The following DCHS2 variants were observed in gnomAD, a reference collection of about 807,000 sequenced individuals.
DCHS2 encodes dachsous cadherin-related 2.
In DCHS2, 142 loss-of-function variants were observed where a neutral mutation model predicts 182.4. The ratio of observed to expected loss-of-function variants is 0.78; its 90% confidence interval spans 0.68 to 0.89. The LOEUF is 0.89. Ranked by LOEUF, DCHS2 falls within the 40% of genes least tolerant of loss-of-function variation. The pLI, the probability that DCHS2 is intolerant of heterozygous loss-of-function variation, is 0.00. For missense variants in DCHS2, 4,319 were observed against 4,198.6 expected, an observed-to-expected ratio of 1.03 and a Z score of -0.79; for synonymous variants, 1,740 against 1,663.3, an observed-to-expected ratio of 1.05 and a Z score of -1.12.
intron 3 of DCHS2, among the ~76,000 whole-genome samples, chr4:154,351,433 G>A (rs1419759326): frequency 6.6e-6 from 1 of 151,946 alleles, no homozygotes; most frequent in Non-Finnish European, 1.5e-5. Flanking sequence ...TATTTAGAGT[G>A]GTATTATTAC....
intron 1 of DCHS2, among the ~76,000 whole-genome samples, chr4:154,406,057 T>G (rs929949451): frequency 1.2e-4 from 19 of 152,262 alleles, no homozygotes; most frequent in African/African-American, 4.3e-4. Context: ...ACCTCTGTCA[T>G]GGAAAACCAA....
chr4:154,335,405 G>T (rs1728749124), intron 3 of DCHS2, among the ~76,000 whole-genome samples: 1 of 152,194 alleles, frequency 6.6e-6, no homozygotes, highest in Non-Finnish European at 1.5e-5. Flanking sequence ...AGAGAGAATG[G>T]CTCCTGCTCC....
intron 1 of DCHS2, among the ~76,000 whole-genome samples, chr4:154,424,707 A>G (rs891707408): frequency 6.6e-6 from 1 of 152,224 alleles, no homozygotes; most frequent in Non-Finnish European, 1.5e-5. Flanking sequence ...GTCTCAGTAA[A>G]TTAGCTAGGT....
At chr4:154,390,080 A>G (rs995206099) in intron 1 of DCHS2, among the ~76,000 whole-genome samples, 3 of 148,870 alleles carry the variant, frequency 2.0e-5, no homozygotes. Flanking sequence ...GGCTGTTGAT[A>G]CTCTTTTTTT....
Position 154,234,494 on chromosome 4 carries a change from T to C in DCHS2, c.*42A>G, listed in dbSNP as rs1419352403. ...GGCTTGAAAACATTTTGTTCATTCA[T>C]TCATGACCAATGGTGAGCAGGTACT... On this transcript the variant is annotated 3_prime_UTR_variant, in exon 20 of 20. Coordinates refer to ENST00000357232, the MANE Select transcript of DCHS2 (RefSeq NM_001358235.2). The C allele has an allele frequency of 1.3e-6, 2 of 1,525,890 alleles. No individual in the cohort carries two copies. Among genetic ancestry groups the C allele is most frequent in the East Asian group, 4.6e-5 (2 of 43,350 alleles). 94.5% of individuals were successfully genotyped at this position (1,525,890 alleles called of 1,614,324 possible). A position where few individuals can be genotyped will look rare whatever the true frequency, so the allele number is the denominator to read the frequency against.
At chr4:154,329,153 G>A (rs933059881) in intron 6 of DCHS2, among the ~76,000 whole-genome samples, 7 of 152,100 alleles carry the variant, frequency 4.6e-5, no homozygotes, top group African/African-American at 1.7e-4. Context: ...CTACCCTTAA[G>A]TAACTATCTT....
intron 1 of DCHS2, among the ~76,000 whole-genome samples, chr4:154,428,830 G>A (rs561652557): frequency 1.3e-5 from 2 of 152,254 alleles, no homozygotes; most frequent in East Asian, 1.9e-4. Context: ...TTGAACCCAG[G>A]AGGTGGAGGT....
At chr4:154,367,918 C>G (rs1421965800) in intron 2 of DCHS2, among the ~76,000 whole-genome samples, 3 of 121,808 alleles carry the variant, frequency 2.5e-5, no homozygotes, top group African/African-American at 5.1e-5. Context: ...AACGGCTGTC[C>G]TGCTCTGAGC....
At chr4:154,356,058 T>C (rs1729845535) in intron 3 of DCHS2, among the ~76,000 whole-genome samples, 1 of 152,144 alleles carries the variant, frequency 6.6e-6, no homozygotes, top group African/African-American at 2.4e-5. Flanking sequence ...TCAGAATGCA[T>C]TGCTATCATA....
chr4:154,425,856 A>G (rs1443648848), intron 1 of DCHS2, among the ~76,000 whole-genome samples: 2 of 152,142 alleles, frequency 1.3e-5, no homozygotes. Context: ...ACAGTCTGAG[A>G]GCTGTTCTGG....
At chr4:154,291,830 T>G (rs2404477) in intron 13 of DCHS2, among the ~76,000 whole-genome samples, 149,098 of 152,228 alleles carry the variant, frequency 0.98, 73,096 homozygotes, top group Middle Eastern at 1. Context: ...GGGGAAGTGG[T>G]AATGGTGAAT....
chr4:154,329,212 C>T (rs13108704), intron 6 of DCHS2, among the ~76,000 whole-genome samples: 45,304 of 151,904 alleles, frequency 0.3, 8,221 homozygotes, highest in Non-Finnish European at 0.41. Flanking sequence ...AAGAGATGCA[C>T]GTAAACTACT....
chr4:154,483,414 G>T (rs1162053656), intron 1 of DCHS2, among the ~76,000 whole-genome samples: 2 of 152,212 alleles, frequency 1.3e-5, no homozygotes, highest in African/African-American at 4.8e-5. Flanking sequence ...GATTACAGGG[G>T]ATGGCTGTAG....
chr4:154,436,709 C>T (rs1733795583), intron 1 of DCHS2, among the ~76,000 whole-genome samples: 1 of 152,140 alleles, frequency 6.6e-6, no homozygotes, highest in Non-Finnish European at 1.5e-5. Context: ...TTGTATAAAT[C>T]AGAAAGGATT....
chr4:154,341,296 GA>G (rs1317577303), intron 3 of DCHS2, among the ~76,000 whole-genome samples: 1 of 149,522 alleles, frequency 6.7e-6, no homozygotes, highest in Non-Finnish European at 1.5e-5. Context: ...GTGAACCCGG[GA>G]AGTGGAGGCT....
chr4:154,390,193 C>T (rs1257819870), intron 1 of DCHS2, among the ~76,000 whole-genome samples: 2 of 150,174 alleles, frequency 1.3e-5, no homozygotes. Context: ...TATACATGTG[C>T]CACGCTGGTG....
At chr4:154,260,098 A>C (rs1488673911) in intron 14 of DCHS2, among the ~76,000 whole-genome samples, 1 of 152,216 alleles carries the variant, frequency 6.6e-6, no homozygotes, top group Admixed American at 6.5e-5. Context: ...CTCGGATTAT[A>C]GGCGTGAGCC....
At chr4:154,296,120 C>G (rs1042472092) in intron 13 of DCHS2, among the ~76,000 whole-genome samples, 1 of 152,058 alleles carries the variant, frequency 6.6e-6, no homozygotes, top group African/African-American at 2.4e-5. Flanking sequence ...GTGAATAGTC[C>G]ACATCATGGA....
chr4:154,448,728 G>T (rs993962147), intron 1 of DCHS2, among the ~76,000 whole-genome samples: 3 of 152,138 alleles, frequency 2.0e-5, no homozygotes, highest in Non-Finnish European at 2.9e-5. Context: ...ACTTCTTTGT[G>T]GTTTTCACAG....
Sources: allele counts gnomAD v4.1 joint callset (sites outside exome capture counted in the v4.1 genomes callset), GRCh38; gene constraint gnomAD v4.1.1; transcripts MANE v1.5; gene names NCBI Gene and HGNC (gene_info 2026-07-23, HGNC 2026-07-21).